LAMA2: variants seen among roughly 807,000 people sequenced by gnomAD.
LAMA2 encodes laminin subunit alpha-2.
A neutral mutation model predicts 364.8 loss-of-function variants in LAMA2; 269 were observed. The ratio of observed to expected loss-of-function variants is 0.74; its 90% CI spans 0.67 to 0.82. The LOEUF is 0.82. Ranked by LOEUF, LAMA2 falls within the 40% of genes least tolerant of loss-of-function variation. LAMA2 has a pLI of 0.00. For synonymous variants in LAMA2, 1,379 were observed against 1,370.6 expected (o/e 1.01, Z -0.14); for missense variants, 3,807 against 3,873.2 (o/e 0.98, Z 0.45).
intron 51 of LAMA2, among the ~76,000 whole-genome samples, chr6:129,472,289 T>A (rs895288895): frequency 2.6e-5 from 4 of 151,950 alleles, no homozygotes; most frequent in African/African-American, 9.7e-5. Context: ...CTTATTCAGA[T>A]CCTACATCAG....
chr6:129,259,371 G>A lies in LAMA2; in HGVS notation c.2097-1340G>A, dbSNP rs1583359416. On this transcript the variant is annotated intron_variant, in intron 14 of 64. Coordinates refer to ENST00000421865, the MANE Select transcript of LAMA2 (RefSeq NM_000426.4). Reference sequence around the variant, plus strand: ...AACAAAAATCTACCATCACTCCTGAGAAAGGAACTGAAAAATGCAGGCCAT... The same window carrying A: ...AACAAAAATCTACCATCACTCCTGAAAAAGGAACTGAAAAATGCAGGCCAT... 2.0e-5 allele frequency among the ~76,000 whole-genome samples: 3 copies of A among 151,966 alleles called. No homozygotes were observed. In the South Asian group the frequency reaches 6.2e-4, roughly 31 times the overall value.
At chr6:129,130,126 A>G (rs1375255687) in intron 4 of LAMA2, among the ~76,000 whole-genome samples, 3 of 152,188 alleles carry the variant, frequency 2.0e-5, no homozygotes. Flanking sequence ...AAGAAGGTGG[A>G]TTATCAGGAA....
At chr6:129,398,737 G>C (rs1779800807) in intron 37 of LAMA2, among the ~76,000 whole-genome samples, 1 of 151,964 alleles carries the variant, frequency 6.6e-6, no homozygotes, top group Non-Finnish European at 1.5e-5. Flanking sequence ...GCCTCCCAAA[G>C]TGCTGGGATA....
intron 1 of LAMA2, among the ~76,000 whole-genome samples, chr6:128,960,865 T>C (rs116507592): frequency 1.8e-3 from 275 of 152,270 alleles, no homozygotes; most frequent in African/African-American, 6.4e-3. Flanking sequence ...GAATATTGAC[T>C]CATTTTTGAA....
At chr6:129,088,431 G>A (rs952332534) in intron 3 of LAMA2, among the ~76,000 whole-genome samples, 10 of 151,644 alleles carry the variant, frequency 6.6e-5, no homozygotes, top group African/African-American at 1.2e-4. Flanking sequence ...ATGGGGTGGC[G>A]GCTGGGCAGA....
chr6:129,153,038 A>G (rs1045259757), intron 7 of LAMA2, among the ~76,000 whole-genome samples: 7 of 152,160 alleles, frequency 4.6e-5, no homozygotes, highest in Admixed American at 1.3e-4. Flanking sequence ...GAAACTCAAC[A>G]TGTCAGGTAG....
At chr6:128,988,100 G>A (rs987827859) in intron 1 of LAMA2, among the ~76,000 whole-genome samples, 4 of 152,024 alleles carry the variant, frequency 2.6e-5, no homozygotes, top group South Asian at 4.2e-4. Flanking sequence ...TCCTGACCTC[G>A]GGTAATCTGC....
At chr6:129,318,256 T>C (rs915284409) in intron 27 of LAMA2, among the ~76,000 whole-genome samples, 1 of 152,220 alleles carries the variant, frequency 6.6e-6, no homozygotes, top group African/African-American at 2.4e-5. Flanking sequence ...TTGTACATTG[T>C]ATCAGTGCTG....
intron 51 of LAMA2, 65 bp from the exon 52 acceptor site, chr6:129,473,149 A>C: frequency 7.8e-7 from 1 of 1,280,570 alleles, no homozygotes; most frequent in Non-Finnish European, 1.1e-6. Flanking sequence ...TTGAAGTATT[A>C]ATGATGATAT....
intron 1 of LAMA2, among the ~76,000 whole-genome samples, chr6:128,916,221 C>A (rs896383940): frequency 2.0e-4 from 30 of 151,082 alleles, no homozygotes; most frequent in African/African-American, 7.0e-4. Context: ...ACAAAAAAAA[C>A]AAAAACAAAA....
chr6:128,971,876 T>C (rs138239135), intron 1 of LAMA2, among the ~76,000 whole-genome samples: 1 of 152,152 alleles, frequency 6.6e-6, no homozygotes, highest in Non-Finnish European at 1.5e-5. Flanking sequence ...GTGATGTATC[T>C]TGCTGGAAGT....
In LAMA2 at chr6:129,478,678, T is replaced by G; in HGVS notation, c.7452-15T>G. 1 of 1,613,314 alleles carries G rather than the reference T, an allele frequency of 6.2e-7. No homozygotes were observed. Among genetic ancestry groups the G allele is most frequent in the Non-Finnish European group, 8.5e-7 (1 of 1,179,440 alleles). On this transcript the variant is annotated splice_polypyrimidine_tract_variant and intron_variant, in intron 53 of 64. Transcript: ENST00000421865. ...TAATGATATTGCTTTTGCTTTTCAT[T>G]TGACTATTCAATAGGCCAGAAGTAA...
chr6:129,158,738 T>C, intron 8 of LAMA2: 3 of 1,614,190 alleles, frequency 1.9e-6, no homozygotes, highest in Non-Finnish European at 2.5e-6. Flanking sequence ...GTTACATAAA[T>C]TGGTCCGACA....
intron 1 of LAMA2, among the ~76,000 whole-genome samples, chr6:128,928,037 G>C (rs920569801): frequency 6.6e-6 from 1 of 152,218 alleles, no homozygotes; most frequent in Non-Finnish European, 1.5e-5. Flanking sequence ...GCAATGGGGA[G>C]TTAAGCAGTC....
intron 40 of LAMA2, among the ~76,000 whole-genome samples, chr6:129,406,465 T>C (rs1218080039): frequency 6.6e-6 from 1 of 152,204 alleles, no homozygotes; most frequent in African/African-American, 2.4e-5. Flanking sequence ...AAAGCATTTG[T>C]TTTCCTACAT....
intron 12 of LAMA2, among the ~76,000 whole-genome samples, chr6:129,207,914 G>A (rs1410323845): frequency 6.6e-6 from 1 of 152,220 alleles, no homozygotes; most frequent in Non-Finnish European, 1.5e-5. Context: ...AGGCTTTAGG[G>A]AAAAGGCTGG....
chr6:128,899,883 G>T (rs772829764), intron 1 of LAMA2, among the ~76,000 whole-genome samples: 1 of 152,100 alleles, frequency 6.6e-6, no homozygotes, highest in South Asian at 2.1e-4. Flanking sequence ...TGGATGGAAG[G>T]TCTTTTTGGA....
chr6:129,254,352 A>G (rs1786483343), intron 14 of LAMA2, among the ~76,000 whole-genome samples: 1 of 152,196 alleles, frequency 6.6e-6, no homozygotes, highest in South Asian at 2.1e-4. Context: ...ATAGTTGTAA[A>G]CATAAGTATG....
intron 1 of LAMA2, among the ~76,000 whole-genome samples, chr6:128,985,995 A>G (rs1783206945): frequency 6.6e-6 from 1 of 152,142 alleles, no homozygotes; most frequent in African/African-American, 2.4e-5. Context: ...CAGATCAAAT[A>G]CTTGATTCTT....
Sources: allele counts gnomAD v4.1 joint callset (sites outside exome capture counted in the v4.1 genomes callset), GRCh38; gene constraint gnomAD v4.1.1; transcripts MANE v1.5; gene names NCBI Gene and HGNC (gene_info 2026-07-23, HGNC 2026-07-21).